INTS3: variants seen among roughly 807,000 people sequenced by gnomAD.
INTS3 encodes the protein integrator complex subunit 3, also known as SOSS complex subunit A.
A neutral mutation model predicts 146.3 loss-of-function variants in INTS3; 34 were observed. That is an observed-to-expected ratio of 0.23 (90% CI 0.18 to 0.31). The LOEUF (loss-of-function observed/expected upper bound fraction) is 0.31, where lower values mean the gene tolerates loss of function less well. Among genes scored for constraint, INTS3 ranks in the 10% least tolerant of loss-of-function variants. The probability of loss-of-function intolerance (pLI) is 1.00; values close to 1 mark genes in which losing one functional copy is unlikely to be tolerated. For synonymous variants in INTS3, 475 were observed against 494.9 expected, an observed-to-expected ratio of 0.96 and a Z score of 0.53; for missense variants, 757 against 1,304.2, an observed-to-expected ratio of 0.58 and a Z score of 6.46.
rs1186013369 is a variant in INTS3, at chr1:153,733,610, T to C, written c.150+4826T>C. Among the ~76,000 whole-genome samples, 3 of 151,840 alleles carry C rather than the reference T, an allele frequency of 2.0e-5. No individual in the cohort carries two copies. The East Asian group carries it at 5.8e-4, about 29-fold the overall frequency. On this transcript the variant is annotated intron_variant, in intron 1 of 29. Transcript: ENST00000318967. ...CCCATAGGGAGCAGTATTTACTGTATGCTTTTTTTTGTGGGGAGATGGATT... is the reference window on the plus strand; with the variant it reads ...CCCATAGGGAGCAGTATTTACTGTACGCTTTTTTTTGTGGGGAGATGGATT...
At chr1:153,751,072 G>A in intron 6 of INTS3, 23 bp from the exon 7 acceptor site, 1 of 1,613,412 alleles carries the variant, frequency 6.2e-7, no homozygotes, top group Non-Finnish European at 8.5e-7. Context: ...GAGCATAGGA[G>A]CCAGTGTGTT....
At chr1:153,746,496 G>A (rs1671743032) in intron 3 of INTS3, among the ~76,000 whole-genome samples, 1 of 152,170 alleles carries the variant, frequency 6.6e-6, no homozygotes. Context: ...CGCCTCCCGG[G>A]CTCACACCAT....
chr1:153,741,481 C>G (rs1671534604), intron 3 of INTS3, 113 bp downstream of exon 3: 1 of 761,484 alleles, frequency 1.3e-6, no homozygotes. Context: ...GCTGGATCAC[C>G]TTGTTCTCCA....
intron 1 of INTS3, among the ~76,000 whole-genome samples, chr1:153,733,276 G>A (rs1405731397): frequency 1.9e-5 from 2 of 107,908 alleles, no homozygotes; most frequent in Non-Finnish European, 3.5e-5. Flanking sequence ...GTAGTGGTGC[G>A]ATCTCGGCTC....
chr1:153,756,582 A>G (rs1470410246), intron 9 of INTS3, among the ~76,000 whole-genome samples: 1 of 152,032 alleles, frequency 6.6e-6, no homozygotes, highest in Non-Finnish European at 1.5e-5. Flanking sequence ...TTGGGAGGCC[A>G]AGGCGGGTGG....
chr1:153,752,159 T>C lies in INTS3; in HGVS notation c.730-120T>C. ...CTTTGGTTCCAGAAGAAATCATAGTTTCTTCAACCCTCTTTCCTTCCCTCC... is the reference window on the plus strand; with the variant it reads ...CTTTGGTTCCAGAAGAAATCATAGTCTCTTCAACCCTCTTTCCTTCCCTCC... On this transcript the variant is annotated intron_variant, in intron 7 of 29. Transcript: ENST00000318967. 3 of 1,012,184 alleles carry C rather than the reference T, an allele frequency of 3.0e-6. No homozygotes were observed. In the South Asian group the frequency reaches 4.1e-5, roughly 14 times the overall value. The allele number at this position is 1,012,184 out of a possible 1,614,324, so 62.7% of individuals were successfully genotyped here.
chr1:153,763,270 G>C lies in INTS3; in HGVS notation c.1674G>C (p.Glu558Asp). 1 of 1,614,208 alleles carries C rather than the reference G, an allele frequency of 6.2e-7. No homozygotes were observed. The highest frequency in any genetic ancestry group is 1.1e-5 in the South Asian group (1 of 91,092). ...KREFRFHPIK[E>D]TVVEEPVDIT... ...AGTTTCGCTTCCACCCTATCAAGGA[G>C]ACAGTTGTGGAGGAGCCAGTTGATA... is the stretch of plus-strand genomic sequence containing the variant. The change falls in exon 16 of 30, where the codon GAG becomes GAC. Residue 558 changes from glutamate (E) to aspartate (D), a missense_variant. Glu to Asp is a conservative substitution (Grantham distance 45). Transcript: ENST00000318967.
intron 1 of INTS3, among the ~76,000 whole-genome samples, chr1:153,733,197 CTTTTTTTTTTT>C (rs60492889): frequency 9.4e-5 from 4 of 42,728 alleles, no homozygotes; most frequent in Non-Finnish European, 1.7e-4. Flanking sequence ...TTACCGAATG[CTTTTTTTTTTT>C]TTTTTTTTTT....
At chr1:153,746,544 G>T (rs910306356) in intron 3 of INTS3, among the ~76,000 whole-genome samples, 3 of 152,204 alleles carry the variant, frequency 2.0e-5, no homozygotes, top group Admixed American at 2.0e-4. Flanking sequence ...GGGACTACAG[G>T]TGCCCGCCAC....
At chr1:153,767,553 G>A (rs759617284) in intron 20 of INTS3, 121 bp from the exon 21 acceptor site, 13 of 982,410 alleles carry the variant, frequency 1.3e-5, no homozygotes, top group Non-Finnish European at 1.7e-5. Flanking sequence ...GGGACATGAG[G>A]CAGATTAGCA....
intron 12 of INTS3, chr1:153,760,616 C>G: frequency 4.8e-6 from 3 of 623,894 alleles, no homozygotes; most frequent in East Asian, 2.7e-5. Context: ...GATGGTGACT[C>G]AAGGTAGAAT....
intron 20 of INTS3, among the ~76,000 whole-genome samples, chr1:153,765,371 T>C (rs1480959996): frequency 6.6e-6 from 1 of 152,062 alleles, no homozygotes; most frequent in Non-Finnish European, 1.5e-5. Context: ...AAAATTTTTT[T>C]GTAGAGACAG....
Position 153,728,510 on chromosome 1 carries a change from G to C in INTS3, c.-125G>C. On this transcript the variant is annotated 5_prime_UTR_variant, in exon 1 of 30. Coordinates refer to ENST00000318967, the MANE Select transcript of INTS3 (RefSeq NM_023015.5). ...GGAGGGAGGAGTGGAGAGGACAGGG[G>C]CCCTTGCTCTCCCCTCCCCAACTTG... 8.4e-7 allele frequency: 1 copy of C among 1,187,418 alleles called. No individual in the cohort carries two copies. The highest frequency in any genetic ancestry group is 1.2e-6 in the Non-Finnish European group (1 of 850,806). 73.6% of individuals were successfully genotyped at this position (1,187,418 alleles called of 1,614,324 possible). A position where few individuals can be genotyped will look rare whatever the true frequency, so the allele number is the denominator to read the frequency against.
rs984130340 is a variant in INTS3 at position 153,757,103 on chromosome 1, A to G, written c.958-469A>G. 6.6e-6 allele frequency among the ~76,000 whole-genome samples: 1 copy of G among 152,222 alleles called. No individual in the cohort carries two copies. The highest frequency in any genetic ancestry group is 2.4e-5 in the African/African-American group (1 of 41,470). The stretch of plus-strand genomic sequence containing the variant: ...TTCCACAAGAAGGTTTGGAGAGTCT[A>G]GGCTTTGGATAATGGTCCTGCTAGG... On this transcript the variant is annotated intron_variant, in intron 9 of 29. Transcript: ENST00000318967. This position sits in a 1 kb window ranked among gnomAD's most constrained non-coding sequence, Gnocchi z 4.0.
In INTS3 at chr1:153,771,793, C is replaced by G. The variant is rs757731529; in HGVS notation, c.2553-3C>G. ...AGCACCCAGTGCCCCCTTCCTCCCCCAGGCCCAGCGAGGAGATGGTGAAGA... is the reference window on the plus strand; with the variant it reads ...AGCACCCAGTGCCCCCTTCCTCCCCGAGGCCCAGCGAGGAGATGGTGAAGA... On this transcript the variant is annotated splice_polypyrimidine_tract_variant and splice_region_variant and intron_variant, in intron 25 of 29. Transcript: ENST00000318967. 8 of 1,609,670 alleles carry G rather than the reference C, an allele frequency of 5.0e-6. No individual in the cohort carries two copies. Among genetic ancestry groups the G allele is most frequent in the Non-Finnish European group, 6.8e-6 (8 of 1,177,244 alleles).
In INTS3 at chr1:153,746,959, T is replaced by C. The variant is rs1312953050; in HGVS notation, c.321T>C (p.Cys107=). ...ILTEPAQAQK[C]YRDLALVSRD... ...ATCACAAACTTTACTTCTCACAGTG[T>C]TACCGGGACTTAGCTCTGGTGAGTC... The change falls in exon 4 of 30, where the codon TGT becomes TGC. Residue 107 remains cysteine (C), a splice_region_variant and synonymous_variant. Transcript: ENST00000318967. 2 of 1,608,102 alleles carry C rather than the reference T, an allele frequency of 1.2e-6. No individual in the cohort carries two copies. The highest frequency in any genetic ancestry group is 1.1e-5 in the South Asian group (1 of 90,912).
At chr1:153,740,813 A>C (rs1285123384) in intron 2 of INTS3, 79 bp downstream of exon 2, 1 of 1,164,468 alleles carries the variant, frequency 8.6e-7, no homozygotes, top group Non-Finnish European at 1.3e-6. Flanking sequence ...GGAAAGACTA[A>C]GTGGTTGGGG....
chr1:153,743,049 T>C (rs1382197481), intron 3 of INTS3, among the ~76,000 whole-genome samples: 3 of 152,200 alleles, frequency 2.0e-5, no homozygotes, highest in Admixed American at 2.0e-4. Flanking sequence ...TATCAAGTAG[T>C]GACTCATTCA....
At position 153,728,094 on chromosome 1, in the gene INTS3, T is replaced by G. The variant is rs148325823; in HGVS notation, c.-541T>G. The G allele has an allele frequency of 1.0e-3, 205 of 202,662 alleles. No homozygotes were observed. The highest frequency in any genetic ancestry group is 1.6e-3 in the Non-Finnish European group (176 of 109,108). The allele number at this position is 202,662 out of a possible 1,614,324, so 12.6% of individuals were successfully genotyped here. On this transcript the variant is annotated 5_prime_UTR_variant, in exon 1 of 30. Transcript: ENST00000318967. Reference sequence around the variant, plus strand: ...TTCCACTATGGCCGCTTCTGTGTGGTGTGGGGAGACGCTGGTCCTCCCCGT... The same window carrying G: ...TTCCACTATGGCCGCTTCTGTGTGGGGTGGGGAGACGCTGGTCCTCCCCGT...
Sources: allele counts gnomAD v4.1 joint callset (sites outside exome capture counted in the v4.1 genomes callset), GRCh38; gene constraint gnomAD v4.1.1; non-coding constraint Gnocchi (gnomAD v3.1); transcripts MANE v1.5; gene names NCBI Gene and HGNC (gene_info 2026-07-23, HGNC 2026-07-21).